The following PTPRD variants were observed in gnomAD, a reference collection of about 807,000 sequenced individuals.
The protein encoded by PTPRD is receptor-type tyrosine-protein phosphatase delta.
In PTPRD, 34 loss-of-function variants were observed where a neutral mutation model predicts 214.5. The ratio of observed to expected loss-of-function variants is 0.16; its 90% CI spans 0.12 to 0.21. The LOEUF (loss-of-function observed/expected upper bound fraction) is 0.21, where lower values mean the gene tolerates loss of function less well. Among genes scored for constraint, PTPRD ranks in the 10% least tolerant of loss-of-function variants. The pLI, the probability that PTPRD is intolerant of heterozygous loss-of-function variation, is 1.00. For missense variants in PTPRD, 2,545 were observed against 2,398.7 expected (o/e 1.06, Z -1.27); for synonymous variants, 1,128 against 845.7 (o/e 1.33, Z -5.79).
chr9:8,376,244 C>A (rs1001865169), intron 38 of PTPRD, among the ~76,000 whole-genome samples, 154 bp from the exon 39 acceptor site: 2 of 152,032 alleles, frequency 1.3e-5, no homozygotes, highest in Non-Finnish European at 2.9e-5. Flanking sequence ...AAATAGAAAC[C>A]CCAAGCTATT....
At chr9:8,978,198 G>A (rs915773965) in intron 11 of PTPRD, among the ~76,000 whole-genome samples, 3 of 152,054 alleles carry the variant, frequency 2.0e-5, no homozygotes, top group Non-Finnish European at 2.9e-5. Flanking sequence ...ACACAATGTG[G>A]AATAAGAAGC....
chr9:10,440,161 A>G (rs1432707335), intron 2 of PTPRD, among the ~76,000 whole-genome samples: 1 of 151,646 alleles, frequency 6.6e-6, no homozygotes, highest in Non-Finnish European at 1.5e-5. Flanking sequence ...AATATAATAA[A>G]TGTACTTTAC....
intron 12 of PTPRD, among the ~76,000 whole-genome samples, chr9:8,660,742 G>T (rs1266395753): frequency 1.3e-5 from 2 of 152,102 alleles, no homozygotes; most frequent in Admixed American, 6.6e-5. Context: ...CAATCAAAAA[G>T]CAAACCTCAA....
intron 11 of PTPRD, among the ~76,000 whole-genome samples, chr9:9,000,299 C>T (rs1240978601): frequency 6.6e-6 from 1 of 151,998 alleles, no homozygotes; most frequent in Non-Finnish European, 1.5e-5. Flanking sequence ...AGCAACAGCA[C>T]CATCCTCTGA....
chr9:9,836,239 A>G (rs2056720816), intron 5 of PTPRD, among the ~76,000 whole-genome samples: 1 of 152,176 alleles, frequency 6.6e-6, no homozygotes, highest in African/African-American at 2.4e-5. Flanking sequence ...TGAGCATATG[A>G]GTGCTCCATG....
At chr9:9,131,144 C>T (rs534641265) in intron 10 of PTPRD, among the ~76,000 whole-genome samples, 1 of 152,200 alleles carries the variant, frequency 6.6e-6, no homozygotes, top group East Asian at 1.9e-4. Flanking sequence ...AAAAATGATA[C>T]TTAGGGCAAA....
At chr9:8,944,433 C>G (rs2099051774) in intron 11 of PTPRD, among the ~76,000 whole-genome samples, 2 of 151,996 alleles carry the variant, frequency 1.3e-5, no homozygotes, top group South Asian at 4.1e-4. Flanking sequence ...ATCAGTATAT[C>G]AAAGAAATAT....
At chr9:8,644,688 G>A (rs1349667068) in intron 12 of PTPRD, among the ~76,000 whole-genome samples, 1 of 152,158 alleles carries the variant, frequency 6.6e-6, no homozygotes, top group Non-Finnish European at 1.5e-5. Flanking sequence ...GGTGCTCCTG[G>A]TCCAACCGCT....
chr9:9,636,606 C>G (rs1381108196), intron 7 of PTPRD, among the ~76,000 whole-genome samples: 1 of 152,166 alleles, frequency 6.6e-6, no homozygotes, highest in South Asian at 2.1e-4. Context: ...GAGAAACAGT[C>G]TTCTTTTTCC....
intron 4 of PTPRD, among the ~76,000 whole-genome samples, chr9:10,005,082 G>T (rs1240766098): frequency 6.6e-6 from 1 of 152,056 alleles, no homozygotes; most frequent in Non-Finnish European, 1.5e-5. Flanking sequence ...GTAAAACGTG[G>T]ACACTATTTC....
chr9:8,878,897 C>T (rs2098418329), intron 11 of PTPRD, among the ~76,000 whole-genome samples: 1 of 152,154 alleles, frequency 6.6e-6, no homozygotes, highest in Admixed American at 6.5e-5. Flanking sequence ...GAAAGAATGG[C>T]CATAGCTATA....
chr9:8,373,449 C>A (rs185951235), intron 39 of PTPRD, among the ~76,000 whole-genome samples: 1 of 152,132 alleles, frequency 6.6e-6, no homozygotes, highest in Non-Finnish European at 1.5e-5. Flanking sequence ...ACCTACTCTT[C>A]TGTTGTTTGT....
intron 2 of PTPRD, among the ~76,000 whole-genome samples, chr9:10,607,721 A>G (rs2133666499): frequency 6.6e-6 from 1 of 152,120 alleles, no homozygotes; most frequent in East Asian, 1.9e-4. Context: ...CATCAGTTAT[A>G]TCACATGAAT....
chr9:10,412,663 CA>C (rs1365686038), intron 2 of PTPRD, among the ~76,000 whole-genome samples: 3 of 127,498 alleles, frequency 2.4e-5, no homozygotes, highest in Admixed American at 7.8e-5. Flanking sequence ...CACACACACA[CA>C]CCCCTTGAAG....
At chr9:9,686,953 A>G (rs958284002) in intron 7 of PTPRD, among the ~76,000 whole-genome samples, 16 of 151,724 alleles carry the variant, frequency 1.1e-4, no homozygotes, top group Non-Finnish European at 2.4e-4. Context: ...AATGTATAAG[A>G]CATTGTCCCT....
chr9:8,567,245 T>C lies in PTPRD; in HGVS notation c.353-38466A>G, dbSNP rs781679815. The stretch of plus-strand genomic sequence containing the variant: ...TTTCCAGGCTTCAAGGCTGCTCTTA[T>C]TTTTCATTCACTCTATTGCTTCTGC... On this transcript the variant is annotated intron_variant, in intron 14 of 45. Transcript: ENST00000381196. Among the ~76,000 whole-genome samples, 16 of 152,220 alleles carry C rather than the reference T, an allele frequency of 1.1e-4. 1 individual carries two copies. Among genetic ancestry groups the C allele is most frequent in the Non-Finnish European group, 2.1e-4 (14 of 68,046 alleles).
intron 11 of PTPRD, among the ~76,000 whole-genome samples, chr9:8,977,657 C>T (rs1306142944): frequency 2.3e-5 from 3 of 132,784 alleles, no homozygotes; most frequent in East Asian, 2.2e-4. Context: ...TATTCTGTAA[C>T]AAGGAGAATT....
intron 31 of PTPRD, among the ~76,000 whole-genome samples, chr9:8,465,883 C>T (rs2096534951): frequency 6.6e-6 from 1 of 151,860 alleles, no homozygotes; most frequent in Non-Finnish European, 1.5e-5. Context: ...AGATACTGGA[C>T]TGCTCTGACA....
chr9:9,940,521 A>G (rs7467612), intron 4 of PTPRD, among the ~76,000 whole-genome samples: 11,564 of 152,262 alleles, frequency 0.076, 449 homozygotes, highest in East Asian at 0.18. Context: ...ACCTAGATGT[A>G]TAATTCTAGA....
Sources: allele counts gnomAD v4.1 joint callset (sites outside exome capture counted in the v4.1 genomes callset), GRCh38; gene constraint gnomAD v4.1.1; transcripts MANE v1.5; gene names NCBI Gene and HGNC (gene_info 2026-07-23, HGNC 2026-07-21).